The following ZNF544 variants were observed in gnomAD, a reference collection of about 807,000 sequenced individuals.
The protein encoded by ZNF544 is zinc finger protein AF020591.
Under a neutral mutation model 13.5 loss-of-function variants are expected in ZNF544, and 10 were observed. The ratio of observed to expected loss-of-function variants is 0.74; its 90% CI spans 0.46 to 1.25. ZNF544 has a LOEUF of 1.25. Among genes scored for constraint, ZNF544 ranks in the 50% most tolerant of loss-of-function variants. ZNF544 has a pLI of 0.00. For missense variants in ZNF544, 896 were observed against 845.6 expected (o/e 1.06, Z -0.74); for synonymous variants, 323 against 300.5 (o/e 1.07, Z -0.77).
chr19:58,272,163 GAA>G lies in ZNF544; in HGVS notation c.245-4144_245-4143del, dbSNP rs5828754. On this transcript the variant is annotated intron_variant, in intron 5 of 6. Coordinates refer to the ZNF544 transcript ENST00000595981. Reference sequence around the variant, plus strand: ...GCAACAGAGTGAGACTCCTTGACAGGAAAAAAAAAAAAAAAAAGCATAAAGAA... The same window carrying G: ...GCAACAGAGTGAGACTCCTTGACAGGAAAAAAAAAAAAAAAGCATAAAGAA... Among the ~76,000 whole-genome samples the G allele has an allele frequency of 2.4e-3, 302 of 127,944 alleles. 1 individual carries two copies. The highest frequency in any genetic ancestry group is 4.2e-3 in the Middle Eastern group (1 of 236). 83.9% of individuals were successfully genotyped at this position (127,944 alleles called of 152,430 possible). A position where few individuals can be genotyped will look rare whatever the true frequency, so the allele number is the denominator to read the frequency against.
intron 5 of ZNF544, among the ~76,000 whole-genome samples, chr19:58,272,622 T>A (rs571617060): frequency 6.6e-6 from 1 of 151,986 alleles, no homozygotes; most frequent in South Asian, 2.1e-4. Context: ...GAAGATTTGA[T>A]TTTCCAGAAT....
At position 58,262,831 on chromosome 19, in the gene ZNF544, A is replaced by AGAGCTATCAGTGTGAC. The variant is rs1379607437; in HGVS notation, c.*79_*94dup. 12 of 1,524,682 alleles carry AGAGCTATCAGTGTGAC rather than the reference A, an allele frequency of 7.9e-6. No homozygotes were observed. Among genetic ancestry groups the AGAGCTATCAGTGTGAC allele is most frequent in the Non-Finnish European group, 9.7e-6 (11 of 1,138,352 alleles). The allele number at this position is 1,524,682 out of a possible 1,614,324, so 94.4% of individuals were successfully genotyped here. A position where few individuals can be genotyped will look rare whatever the true frequency, so the allele number is the denominator to read the frequency against. On this transcript the variant is annotated 3_prime_UTR_variant, in exon 7 of 7. Transcript: ENST00000687789. ...CACCAGAGGACGCATGTCGGTGGGA[A>AGAGCTATCAGTGTGAC]GAGCTATCAGTGTGACGTGTATTAA...
At chr19:58,229,102 G>C (rs1240936870) in intron 1 of ZNF544, 156 bp downstream of exon 1, 1 of 152,634 alleles carries the variant, frequency 6.6e-6, no homozygotes, top group African/African-American at 2.4e-5. Context: ...GGCCGAGCAA[G>C]GGCAGGGGCC....
chr19:58,247,926 T>G (rs2045605119), intron 6 of ZNF544, among the ~76,000 whole-genome samples: 1 of 151,962 alleles, frequency 6.6e-6, no homozygotes, highest in African/African-American at 2.4e-5. Context: ...ATCCTTTTTT[T>G]TTTTCCCAGA....
chr19:58,275,192 C>T (rs57072108), intron 5 of ZNF544, among the ~76,000 whole-genome samples: 2,763 of 152,078 alleles, frequency 0.018, 64 homozygotes, highest in African/African-American at 0.061. Flanking sequence ...AGCCAGGAGC[C>T]CCCCCACACT....
intron 6 of ZNF544, among the ~76,000 whole-genome samples, chr19:58,248,260 T>G (rs994609452): frequency 6.8e-6 from 1 of 147,680 alleles, no homozygotes; most frequent in Non-Finnish European, 1.5e-5. Flanking sequence ...ATAGGGTTCA[T>G]GCTTTTTTTT....
intron 5 of ZNF544, among the ~76,000 whole-genome samples, chr19:58,273,517 T>C (rs886749326): frequency 4.0e-5 from 6 of 151,394 alleles, no homozygotes; most frequent in Admixed American, 1.3e-4. Flanking sequence ...GCCGAAACCC[T>C]GTCTCTACTA....
intron 6 of ZNF544, among the ~76,000 whole-genome samples, chr19:58,276,617 G>A (rs1022162298): frequency 4.6e-5 from 7 of 152,140 alleles, no homozygotes; most frequent in East Asian, 1.9e-4. Flanking sequence ...ACAGGTGCCC[G>A]CCACCACACC....
chr19:58,255,659 A>C (rs2047144413), intron 6 of ZNF544, among the ~76,000 whole-genome samples: 1 of 152,262 alleles, frequency 6.6e-6, no homozygotes. Flanking sequence ...CATGAGATAC[A>C]TTATCTTTTG....
exon 7 of ZNF544, chr19:58,277,222 G>A: frequency 4.0e-6 from 3 of 745,126 alleles, no homozygotes; most frequent in Non-Finnish European, 4.8e-6. Context: ...TACAGGGCCA[G>A]AAGGATCTGA....
chr19:58,269,063 G>A (rs1019481420), downstream of ZNF544, among the ~76,000 whole-genome samples: 3 of 152,184 alleles, frequency 2.0e-5, no homozygotes, highest in African/African-American at 7.2e-5. Context: ...GGGCTGAAAG[G>A]AAATTTTCAG....
At chr19:58,255,090 A>G (rs865993088) in intron 6 of ZNF544, among the ~76,000 whole-genome samples, 1 of 151,100 alleles carries the variant, frequency 6.6e-6, no homozygotes, top group African/African-American at 2.4e-5. Flanking sequence ...GGGTTTCACC[A>G]TGTTAGCCAG....
At chr19:58,250,924 A>C (rs946111085) in intron 6 of ZNF544, among the ~76,000 whole-genome samples, 1 of 152,212 alleles carries the variant, frequency 6.6e-6, no homozygotes, top group African/African-American at 2.4e-5. Flanking sequence ...AGTTTTTAAT[A>C]AATACCCAGA....
chr19:58,244,262 A>G (rs575121868), intron 4 of ZNF544, among the ~76,000 whole-genome samples: 30 of 152,046 alleles, frequency 2.0e-4, no homozygotes, highest in Admixed American at 1.5e-3. Context: ...CACTAGACCC[A>G]GCGCAAGTCT....
chr19:58,272,905 C>T (rs1056955512), intron 5 of ZNF544, among the ~76,000 whole-genome samples: 6 of 151,322 alleles, frequency 4.0e-5, no homozygotes, highest in African/African-American at 1.5e-4. Context: ...AAAAAAAGGC[C>T]GGGCGCGGTG....
At position 58,252,444 on chromosome 19, in the gene ZNF544, A is replaced by C. The variant is rs189530656; in HGVS notation, c.244+5650A>C. ...TGTCTCATACAAAATTATTATTGCT[A>C]CATCCTTCCCTACCAAGAATACATC... is the stretch of plus-strand genomic sequence containing the variant. On this transcript the variant is annotated intron_variant, in intron 6 of 6. Coordinates refer to ENST00000687789, the MANE Select transcript of ZNF544 (RefSeq NM_014480.4). 2.2e-3 allele frequency among the ~76,000 whole-genome samples: 339 copies of C among 152,304 alleles called. 3 individuals carry two copies. The highest frequency in any genetic ancestry group is 3.5e-3 in the Admixed American group (53 of 15,286).
intron 5 of ZNF544, among the ~76,000 whole-genome samples, chr19:58,273,814 C>T (rs932916781): frequency 2.6e-5 from 4 of 151,690 alleles, no homozygotes; most frequent in Non-Finnish European, 4.4e-5. Flanking sequence ...TGTTTTCCCC[C>T]AAGACAGAGT....
chr19:58,238,060 G>A (rs1373327519), intron 3 of ZNF544, among the ~76,000 whole-genome samples: 1 of 152,194 alleles, frequency 6.6e-6, no homozygotes, highest in Non-Finnish European at 1.5e-5. Flanking sequence ...AGCCTCCTGA[G>A]TAGCTGGGAT....
At chr19:58,251,024 G>T (rs996179382) in intron 6 of ZNF544, among the ~76,000 whole-genome samples, 1 of 152,144 alleles carries the variant, frequency 6.6e-6, no homozygotes, top group Non-Finnish European at 1.5e-5. Context: ...ACAGGCTGTG[G>T]GTGACCATTA....
Sources: gnomAD v4.1 joint callset for allele counts (sites outside exome capture counted in the v4.1 genomes callset) on GRCh38, gnomAD v4.1.1 for gene constraint, MANE v1.5 for transcripts, NCBI Gene and HGNC (gene_info 2026-07-23, HGNC 2026-07-21) for gene names.